KHDRBS3: variants seen among roughly 807,000 people sequenced by gnomAD.
The protein encoded by KHDRBS3 is KH RNA binding domain containing, signal transduction associated 3, also known as KH domain-containing, RNA-binding, signal transduction-associated protein 3.
Under a neutral mutation model 45.6 loss-of-function variants are expected in KHDRBS3, and 23 were observed. That is an observed-to-expected ratio of 0.50 (90% confidence interval 0.36 to 0.72). The LOEUF (loss-of-function observed/expected upper bound fraction) is 0.72. Ranked by LOEUF, KHDRBS3 falls within the 30% of genes least tolerant of loss-of-function variation. The probability of loss-of-function intolerance (pLI) is 0.00; values close to 1 mark genes in which losing one functional copy is unlikely to be tolerated. For synonymous variants in KHDRBS3, 162 were observed against 156.5 expected, an observed-to-expected ratio of 1.04 and a Z score of -0.26; for missense variants, 352 against 424.8, an observed-to-expected ratio of 0.83 and a Z score of 1.51.
intron 6 of KHDRBS3, among the ~76,000 whole-genome samples, chr8:135,593,002 C>G (rs770991074): frequency 2.0e-5 from 3 of 151,578 alleles, no homozygotes; most frequent in Non-Finnish European, 4.4e-5. Flanking sequence ...AGTTCAAGAC[C>G]AGGCTGGGCA....
At chr8:135,601,302 G>A (rs1829201087) in intron 6 of KHDRBS3, among the ~76,000 whole-genome samples, 1 of 152,174 alleles carries the variant, frequency 6.6e-6, no homozygotes, top group Admixed American at 6.5e-5. Flanking sequence ...AGAAAGGTAG[G>A]TGAAGCAAAA....
intron 2 of KHDRBS3, among the ~76,000 whole-genome samples, chr8:135,536,991 AAAAAAAGG>A (rs1378007256): frequency 0.058 from 2,693 of 46,408 alleles, 506 homozygotes; most frequent in African/African-American, 0.24. Flanking sequence ...AAAAAAAAAA[AAAAAAAGG>A]AGATGTTTAG....
At chr8:135,470,793 C>T (rs1821978893) in intron 1 of KHDRBS3, among the ~76,000 whole-genome samples, 1 of 152,042 alleles carries the variant, frequency 6.6e-6, no homozygotes, top group Non-Finnish European at 1.5e-5. Context: ...ACCATGTTGG[C>T]CAGGGTGGTC....
At chr8:135,480,774 C>T (rs932546932) in intron 1 of KHDRBS3, among the ~76,000 whole-genome samples, 12 of 152,206 alleles carry the variant, frequency 7.9e-5, no homozygotes, top group Admixed American at 5.2e-4. Context: ...AATATTCTGT[C>T]GTAGTCATTT....
chr8:135,529,735 G>C (rs966237920), intron 2 of KHDRBS3, among the ~76,000 whole-genome samples: 2 of 152,098 alleles, frequency 1.3e-5, no homozygotes, highest in Admixed American at 1.3e-4. Flanking sequence ...TCTATTACAT[G>C]TATGTTTGTC....
Position 135,557,503 on chromosome 8 carries a change from G to T in KHDRBS3, c.527G>T (p.Gly176Val). The T allele has an allele frequency of 2.5e-6, 4 of 1,609,318 alleles. No homozygotes were observed. Among genetic ancestry groups the T allele is most frequent in the Non-Finnish European group, 3.4e-6 (4 of 1,175,642 alleles). ...CTCCAGGAGTTAACATATTTGAATG[G>T]TGGTTCAGAAAATGCAGATGTTCCA... ...AQLQELTYLN[G>V]GSENADVPVV... The change falls in exon 5 of 9, where the codon GGT (glycine) becomes GTT (valine). Residue 176 changes from glycine (G) to valine (V), a missense_variant. By Grantham distance (109) the Gly-to-Val change is moderately radical. Around this residue, in one of 6 missense-constraint regions of KHDRBS3, gnomAD observed 12 missense variants for 38.0 expected, o/e 0.32. Transcript: ENST00000355849.
At chr8:135,484,485 C>G (rs986812644) in intron 1 of KHDRBS3, among the ~76,000 whole-genome samples, 12 of 152,244 alleles carry the variant, frequency 7.9e-5, no homozygotes, top group African/African-American at 2.7e-4. Context: ...GAGACCTGAC[C>G]ATTGCCATGA....
At chr8:135,593,374 G>A (rs1828833316) in intron 6 of KHDRBS3, 2 of 152,166 alleles carry the variant, frequency 1.3e-5, no homozygotes, top group South Asian at 4.2e-4. Context: ...CTTATTTAAG[G>A]TACTTATCTT....
intron 6 of KHDRBS3, among the ~76,000 whole-genome samples, chr8:135,604,686 G>A (rs567834209): frequency 5.3e-5 from 8 of 150,850 alleles, no homozygotes; most frequent in South Asian, 4.2e-4. Flanking sequence ...TTACATCTTT[G>A]TACATTGCAT....
chr8:135,622,364 T>C (rs1178104030), intron 7 of KHDRBS3, among the ~76,000 whole-genome samples: 2 of 152,222 alleles, frequency 1.3e-5, no homozygotes, highest in Non-Finnish European at 2.9e-5. Flanking sequence ...TTAAATTCTT[T>C]TAATGCTGCA....
intron 7 of KHDRBS3, among the ~76,000 whole-genome samples, chr8:135,612,500 A>G (rs1463736805): frequency 1.3e-5 from 2 of 151,880 alleles, no homozygotes; most frequent in Non-Finnish European, 2.9e-5. Context: ...AGGAGCACCC[A>G]GTTTTCAGAT....
chr8:135,533,773 T>C (rs1384254226), intron 2 of KHDRBS3, among the ~76,000 whole-genome samples: 1 of 152,188 alleles, frequency 6.6e-6, no homozygotes, highest in Non-Finnish European at 1.5e-5. Context: ...ATATTGTAAG[T>C]CAAAAATGTA....
At chr8:135,504,537 G>A (rs1823893192) in intron 1 of KHDRBS3, among the ~76,000 whole-genome samples, 1 of 152,100 alleles carries the variant, frequency 6.6e-6, no homozygotes. Context: ...ACTGCCTTCT[G>A]GTATTCACAA....
At position 135,469,531 on chromosome 8, in the gene KHDRBS3, T is replaced by TTG. The variant is rs1563699796; in HGVS notation, c.88+11578_88+11579insGT. Among the ~76,000 whole-genome samples the TTG allele has an allele frequency of 5.0e-3, 245 of 48,782 alleles. 1 individual carries two copies. The highest frequency in any genetic ancestry group is 0.013 in the Admixed American group (59 of 4,708). The allele number at this position is 48,782 out of a possible 152,430, so 32.0% of individuals were successfully genotyped here. On this transcript the variant is annotated intron_variant, in intron 1 of 8. Transcript: ENST00000355849. ...GTTTTTTTTTTGTTTTGGTTTTTTTTTTTTTTTTTTTTTTTTGAGACGAGT... is the reference window on the plus strand; with the variant it reads ...GTTTTTTTTTTGTTTTGGTTTTTTTTTGTTTTTTTTTTTTTTTTGAGACGAGT...
In KHDRBS3 at chr8:135,647,221, T is replaced by A; in HGVS notation, c.*137T>A. On this transcript the variant is annotated 3_prime_UTR_variant, in exon 9 of 9. Coordinates refer to ENST00000355849, the MANE Select transcript of KHDRBS3 (RefSeq NM_006558.3). ...CTGAATGGATGGAACTTAAAACTAC[T>A]TTGTTGAAACATCAACCTGGGCAGA... is the stretch of plus-strand genomic sequence containing the variant. 4 of 341,596 alleles carry A rather than the reference T, an allele frequency of 1.2e-5. No individual in the cohort carries two copies. Among genetic ancestry groups the A allele is most frequent in the Non-Finnish European group, 2.1e-5 (4 of 186,328 alleles). 21.2% of individuals were successfully genotyped at this position (341,596 alleles called of 1,614,324 possible). A position where few individuals can be genotyped will look rare whatever the true frequency, so the allele number is the denominator to read the frequency against.
chr8:135,604,773 TA>T lies in KHDRBS3; in HGVS notation c.808-2173del, dbSNP rs112518456. Among the ~76,000 whole-genome samples the T allele has an allele frequency of 4.3e-3, 653 of 150,990 alleles. 11 individuals are homozygous for T. Among genetic ancestry groups the T allele is most frequent in the African/African-American group, 0.014 (589 of 41,282 alleles). On this transcript the variant is annotated intron_variant, in intron 6 of 8. Coordinates refer to ENST00000355849, the MANE Select transcript of KHDRBS3 (RefSeq NM_006558.3). Reference sequence around the variant, plus strand: ...CAGATAGAAGGAAAAGAGTTACAAATAAAAAAAAAGCTTATACTATCTTTTA... The same window carrying T: ...CAGATAGAAGGAAAAGAGTTACAAATAAAAAAAAGCTTATACTATCTTTTA...
At chr8:135,542,027 C>A in intron 2 of KHDRBS3, 1 of 152,184 alleles carries the variant, frequency 6.6e-6, no homozygotes, top group Admixed American at 6.5e-5. Flanking sequence ...AGTCTGGTTA[C>A]AGAAGGCATA....
chr8:135,612,658 A>G (rs377476456), intron 7 of KHDRBS3, among the ~76,000 whole-genome samples: 1 of 151,876 alleles, frequency 6.6e-6, no homozygotes, highest in South Asian at 2.1e-4. Flanking sequence ...ATAGTTCAGT[A>G]TTAGTGAAGA....
Position 135,612,467 on chromosome 8 carries a change from A to G in KHDRBS3, c.890+5430A>G, listed in dbSNP as rs148772131. On this transcript the variant is annotated intron_variant, in intron 7 of 8. Transcript: ENST00000355849. ...TTTACATGAGATCCCTTCAGTGAAT[A>G]GCATTTACTGCCACTGCTGTCAAGG... Among the ~76,000 whole-genome samples the G allele has an allele frequency of 1.9e-4, 29 of 152,012 alleles. 1 individual carries two copies. In the East Asian group the frequency reaches 3.5e-3, roughly 18 times the overall value.
Sources: allele counts gnomAD v4.1 joint callset (sites outside exome capture counted in the v4.1 genomes callset), GRCh38; gene constraint gnomAD v4.1.1; regional missense constraint gnomAD v4.1.1; transcripts MANE v1.5; gene names NCBI Gene and HGNC (gene_info 2026-07-23, HGNC 2026-07-21).